The following NFIB variants were observed in gnomAD, a reference collection of about 807,000 sequenced individuals.
NFIB encodes the protein nuclear factor I B.
A neutral mutation model predicts 61.5 loss-of-function variants in NFIB; 11 were observed. The ratio of observed to expected loss-of-function variants is 0.18; its 90% confidence interval spans 0.11 to 0.30. The LOEUF (loss-of-function observed/expected upper bound fraction) is 0.30. NFIB is among the 10% of genes least tolerant of loss of function. The pLI is 1.00. For synonymous variants in NFIB, 260 were observed against 216.5 expected (o/e 1.20, Z -1.76); for missense variants, 471 against 608.9 (o/e 0.77, Z 2.38).
intron 3 of NFIB, among the ~76,000 whole-genome samples, chr9:14,163,035 C>CT (rs2131290058): frequency 6.6e-6 from 1 of 152,166 alleles, no homozygotes; most frequent in African/African-American, 2.4e-5. Flanking sequence ...GGCAAGCTGT[C>CT]TAACTCTTCT....
At chr9:14,486,918 A>T in the NFIB span, among the ~76,000 whole-genome samples, 26 of 152,340 alleles carry the variant, frequency 1.7e-4, no homozygotes, top group African/African-American at 5.1e-4. Flanking sequence ...TTAGAAATGG[A>T]CTTACATAGG....
intron 2 of NFIB, among the ~76,000 whole-genome samples, chr9:14,197,162 G>T (rs1288504757): frequency 2.6e-5 from 4 of 152,164 alleles, no homozygotes; most frequent in Admixed American, 2.6e-4. Flanking sequence ...ACAATTACCA[G>T]AAAGGAATGC....
chr9:14,510,119 C>T, the NFIB span, among the ~76,000 whole-genome samples: 16 of 152,216 alleles, frequency 1.1e-4, no homozygotes, highest in African/African-American at 3.6e-4. Flanking sequence ...AGATCTTGAA[C>T]TCCTGACCTC....
chr9:14,335,043 C>A (rs940036407), intron 1 of NFIB, among the ~76,000 whole-genome samples: 1 of 152,306 alleles, frequency 6.6e-6, no homozygotes, highest in East Asian at 1.9e-4. Context: ...CATTAGTACT[C>A]CATTGTATTG....
intron 5 of NFIB, among the ~76,000 whole-genome samples, chr9:14,149,852 TTTG>T (rs2042667187): frequency 6.6e-6 from 1 of 152,142 alleles, no homozygotes; most frequent in African/African-American, 2.4e-5. Context: ...ATCAAAAGAT[TTTG>T]TTAACTTGTA....
the NFIB span, among the ~76,000 whole-genome samples, chr9:14,474,849 C>T: frequency 6.6e-6 from 1 of 152,126 alleles, no homozygotes; most frequent in East Asian, 1.9e-4. Flanking sequence ...AATCTGATGG[C>T]TCAAGAACCA....
At chr9:14,154,377 G>C (rs180828630) in intron 4 of NFIB, among the ~76,000 whole-genome samples, 2 of 152,222 alleles carry the variant, frequency 1.3e-5, no homozygotes, top group East Asian at 1.9e-4. Flanking sequence ...TTCCGCTAAA[G>C]AAGAGTATGG....
intron 4 of NFIB, among the ~76,000 whole-genome samples, chr9:14,155,562 G>C (rs1279060362): frequency 6.6e-6 from 1 of 152,068 alleles, no homozygotes; most frequent in Non-Finnish European, 1.5e-5. Context: ...GTCATGCAGA[G>C]AACAGTGAAT....
At position 14,306,976 on chromosome 9, in the gene NFIB, A is replaced by G. The variant is rs778156268; in HGVS notation, c.562+13T>C. ...TGTTTGCCGTGCTAGAAAAAAGAAC[A>G]ATCTGCTCCTACCTTGCTCCTGCAC... On this transcript the variant is annotated intron_variant, in intron 2 of 10. Coordinates refer to ENST00000380953, the MANE Select transcript of NFIB (RefSeq NM_001190737.2). The G allele has an allele frequency of 1.2e-6, 2 of 1,612,190 alleles. No homozygotes were observed. The highest frequency in any genetic ancestry group is 2.2e-5 in the South Asian group (2 of 91,016).
chr9:14,471,668 C>T, the NFIB span, among the ~76,000 whole-genome samples: 6 of 152,188 alleles, frequency 3.9e-5, no homozygotes, highest in African/African-American at 1.4e-4. Context: ...TTTTCTGGTT[C>T]CACTTTTTGC....
At chr9:14,186,289 C>T (rs1188888810) in intron 2 of NFIB, among the ~76,000 whole-genome samples, 2 of 152,166 alleles carry the variant, frequency 1.3e-5, no homozygotes, top group African/African-American at 4.8e-5. Flanking sequence ...TAAACTTAGT[C>T]ATCCTGTGAT....
chr9:14,303,760 T>C (rs984627788), intron 2 of NFIB, among the ~76,000 whole-genome samples: 1 of 151,924 alleles, frequency 6.6e-6, no homozygotes, highest in Non-Finnish European at 1.5e-5. Context: ...AGTGTCTGCC[T>C]TTTTTTTCCC....
intron 10 of NFIB, among the ~76,000 whole-genome samples, chr9:14,110,775 C>G (rs778433113): frequency 2.0e-5 from 3 of 152,018 alleles, no homozygotes; most frequent in Non-Finnish European, 2.9e-5. Context: ...AGGCTTTTGA[C>G]TCTAGCCTTA....
At chr9:14,278,799 C>A in intron 2 of NFIB, among the ~76,000 whole-genome samples, 1 of 152,108 alleles carries the variant, frequency 6.6e-6, no homozygotes, top group East Asian at 1.9e-4. Flanking sequence ...GAGCACAAAG[C>A]TAACCATGTC....
chr9:14,220,062 T>C (rs761102864), intron 2 of NFIB, among the ~76,000 whole-genome samples: 1 of 152,152 alleles, frequency 6.6e-6, no homozygotes, highest in Non-Finnish European at 1.5e-5. Context: ...GTACTACACT[T>C]TCTGCATGTT....
chr9:14,267,118 A>G (rs551526330), intron 2 of NFIB, among the ~76,000 whole-genome samples: 84 of 152,348 alleles, frequency 5.5e-4, no homozygotes, highest in Non-Finnish European at 1.0e-3. Context: ...TATCAGAAAA[A>G]GAAAATTTGT....
At chr9:14,305,401 C>T (rs1172622004) in intron 2 of NFIB, among the ~76,000 whole-genome samples, 1 of 152,166 alleles carries the variant, frequency 6.6e-6, no homozygotes, top group Non-Finnish European at 1.5e-5. Context: ...TATAGTCAAT[C>T]CAACACATAT....
chr9:14,239,887 A>T (rs1470690576), intron 2 of NFIB, among the ~76,000 whole-genome samples: 1 of 152,160 alleles, frequency 6.6e-6, no homozygotes, highest in Non-Finnish European at 1.5e-5. Flanking sequence ...ATTACATTTC[A>T]CTTTTCCAAT....
upstream of NFIB, chr9:14,314,709 C>G (rs2060457023): frequency 7.7e-6 from 1 of 130,092 alleles, no homozygotes; most frequent in Non-Finnish European, 1.6e-5. Context: ...CCCCCACCTT[C>G]CTCCTCCTCC....
Sources: gnomAD v4.1 joint callset for allele counts (sites outside exome capture counted in the v4.1 genomes callset) on GRCh38, gnomAD v4.1.1 for gene constraint, MANE v1.5 for transcripts, NCBI Gene and HGNC (gene_info 2026-07-23, HGNC 2026-07-21) for gene names.